LSS: variants seen among roughly 807,000 people sequenced by gnomAD.
The protein encoded by LSS is lanosterol synthase, also known as 2,3-epoxysqualene-lanosterol cyclase.
LSS carries 90 observed loss-of-function variants against 110.3 expected under a neutral mutation model. That is an observed-to-expected ratio of 0.82 (90% CI 0.69 to 0.97). The LOEUF (loss-of-function observed/expected upper bound fraction) is 0.97. Among genes scored for constraint, LSS ranks in the 50% least tolerant of loss-of-function variants. The pLI, the probability that LSS is intolerant of heterozygous loss-of-function variation, is 0.00. For missense variants in LSS, 927 were observed against 990.0 expected, an observed-to-expected ratio of 0.94 and a Z score of 0.85; for synonymous variants, 433 against 400.0, an observed-to-expected ratio of 1.08 and a Z score of -0.98.
rs778103007 is a variant in LSS, at chr21:46,215,775, A to C, written c.802T>G (p.Phe268Val). The change falls in exon 8 of 22, where the codon TTC becomes GTC. Residue 268 changes from phenylalanine (F) to valine (V), a missense_variant. By Grantham distance (50) the Phe-to-Val change is conservative (BLOSUM62 -1). Coordinates refer to ENST00000397728, the MANE Select transcript of LSS (RefSeq NM_002340.6). ...SLRQELYVEDFASIDWLAQRN... is the reference protein window; with the variant it reads ...SLRQELYVEDVASIDWLAQRN... ...TGCGCCAGCCAGTCAATGCTGGCGA[A>C]GTCCTCCACATAGAGCTCCTGGTGG... is the stretch of plus-strand genomic sequence containing the variant. 2 of 1,611,762 alleles carry C rather than the reference A, an allele frequency of 1.2e-6. No homozygotes were observed. The highest frequency in any genetic ancestry group is 2.2e-5 in the South Asian group (2 of 90,760).
At chr21:46,214,617 T>C (rs1444277674) in intron 9 of LSS, among the ~76,000 whole-genome samples, 2 of 152,188 alleles carry the variant, frequency 1.3e-5, no homozygotes, top group Non-Finnish European at 2.9e-5. Context: ...CAGGGCCTGC[T>C]GACTCTGTCA....
intron 20 of LSS, chr21:46,192,803 T>C (rs745805994): frequency 4.5e-6 from 2 of 444,086 alleles, no homozygotes; most frequent in South Asian, 3.2e-5. Flanking sequence ...TAGACCTGTG[T>C]GTACATCTGT....
rs138907803 is a variant in LSS at position 46,208,255 on chromosome 21, C to A, written c.1313G>T (p.Arg438Leu). The A allele has an allele frequency of 6.4e-7, 1 of 1,552,218 alleles. No individual in the cohort carries two copies. Among genetic ancestry groups the A allele is most frequent in the East Asian group, 2.4e-5 (1 of 40,938 alleles). ...PDYQKYYRQM[R>L]KGGFSFSTLD... Reference sequence around the variant, plus strand: ...ATGGGGCTGGCTCCCGCATACCTTGCGCATCTGGCGGTAGTACTTCTGGTA... The same window carrying A: ...ATGGGGCTGGCTCCCGCATACCTTGAGCATCTGGCGGTAGTACTTCTGGTA... The change falls in exon 14 of 22, where the codon CGC (arginine) becomes CTC (leucine). Residue 438 changes from arginine (R) to leucine (L), a missense_variant. Arg to Leu is a moderately radical substitution (Grantham distance 102). Coordinates refer to ENST00000397728, the MANE Select transcript of LSS (RefSeq NM_002340.6).
At chr21:46,219,927 T>A (rs1314719211) in intron 5 of LSS, among the ~76,000 whole-genome samples, 1 of 152,152 alleles carries the variant, frequency 6.6e-6, no homozygotes, top group African/African-American at 2.4e-5. Context: ...CAGGTGCACA[T>A]GCGCCTGGAG....
chr21:46,188,748 T>C lies in LSS; in HGVS notation c.*2356A>G. 2.1e-6 allele frequency: 1 copy of C among 471,260 alleles called. No homozygotes were observed. The highest frequency in any genetic ancestry group is 1.5e-5 in the South Asian group (1 of 64,566). 29.2% of individuals were successfully genotyped at this position (471,260 alleles called of 1,614,324 possible). ...TAAAGAAGACTGAAGGCAGGGATAC[T>C]GACACTGAAGTCCTGCCTGTGTAAT... is the stretch of plus-strand genomic sequence containing the variant. On this transcript the variant is annotated 3_prime_UTR_variant, in exon 22 of 22. Coordinates refer to ENST00000397728, the MANE Select transcript of LSS (RefSeq NM_002340.6).
At chr21:46,196,384 AAAAT>A (rs1429435039) in intron 17 of LSS, 117 bp from the exon 18 acceptor site, 2 of 831,300 alleles carry the variant, frequency 2.4e-6, no homozygotes, top group Non-Finnish European at 4.0e-6. Flanking sequence ...AAACCACATA[AAAAT>A]AAACAGTTTA....
intron 17 of LSS, among the ~76,000 whole-genome samples, chr21:46,203,067 G>C (rs7282352): frequency 0.86 from 130,354 of 152,218 alleles, 56,431 homozygotes; most frequent in African/African-American, 0.93. Context: ...AGGCTGTACT[G>C]TTGCCCACTC....
chr21:46,196,184 G>A lies in LSS; in HGVS notation c.1736+18C>T, dbSNP rs754626558. ...GGATCCCGTGCATCTCTGCACTCACGAGTGGAGGCTCACTCACCCTTCCCA... is the reference window on the plus strand; with the variant it reads ...GGATCCCGTGCATCTCTGCACTCACAAGTGGAGGCTCACTCACCCTTCCCA... On this transcript the variant is annotated intron_variant, in intron 18 of 21. Coordinates refer to ENST00000397728, the MANE Select transcript of LSS (RefSeq NM_002340.6). 24 of 1,613,214 alleles carry A rather than the reference G, an allele frequency of 1.5e-5. No individual in the cohort carries two copies. The highest frequency in any genetic ancestry group is 1.0e-4 in the Admixed American group (6 of 60,006).
chr21:46,214,816 G>A lies in LSS; in HGVS notation c.1011+364C>T, dbSNP rs567721610. Among the ~76,000 whole-genome samples the A allele has an allele frequency of 3.5e-4, 54 of 152,250 alleles. No individual in the cohort carries two copies. The South Asian group carries it at 0.01, about 29-fold the overall frequency. Reference sequence around the variant, plus strand: ...TGTCTAAACCCCACGGGAGAATGGCGAATGATGAACTGTTTGGGGAGAGGG... The same window carrying A: ...TGTCTAAACCCCACGGGAGAATGGCAAATGATGAACTGTTTGGGGAGAGGG... On this transcript the variant is annotated intron_variant, in intron 9 of 21. Transcript: ENST00000397728.
chr21:46,192,534 G>A (rs965461236), intron 20 of LSS: 2 of 411,756 alleles, frequency 4.9e-6, no homozygotes, highest in African/African-American at 4.1e-5. Context: ...GTGTGCACAG[G>A]TGCCTGTGCA....
rs201939761 is a variant in LSS at position 46,210,715 on chromosome 21, G to A, written c.1167C>T (p.Thr389=). The change falls in exon 12 of 22, where the codon ACC becomes ACT. Residue 389 remains threonine (T), a synonymous_variant. Coordinates refer to ENST00000397728, the MANE Select transcript of LSS (RefSeq NM_002340.6). Reference sequence around the variant, plus strand: ...CAAGCAGAGCCTGGATGGCGAATGCGGTGTCCCAGATCTGTGAGCCGTTGG... The same window carrying A: ...CAAGCAGAGCCTGGATGGCGAATGCAGTGTCCCAGATCTGTGAGCCGTTGG... The part of the protein sequence containing the change: ...QGTNGSQIWD[T]AFAIQALLEA... 1.4e-5 allele frequency: 23 copies of A among 1,613,950 alleles called. No individual in the cohort carries two copies. The highest frequency in any genetic ancestry group is 3.3e-5 in the Admixed American group (2 of 59,998).
rs971020323 is a variant in LSS at position 46,193,937 on chromosome 21, T to C, written c.1988+554A>G. Among the ~76,000 whole-genome samples the C allele has an allele frequency of 8.8e-3, 1,334 of 151,660 alleles. 25 individuals carry two copies. Among genetic ancestry groups the C allele is most frequent in the African/African-American group, 0.031 (1,264 of 41,232 alleles). ...AGATGGGATGCTGTGGGTGCATCTG[T>C]ATGTGTGTGGACACAGGTGCCTGTG... On this transcript the variant is annotated intron_variant, in intron 20 of 21. Coordinates refer to ENST00000397728, the MANE Select transcript of LSS (RefSeq NM_002340.6).
rs1173270117 is a variant in LSS, at chr21:46,215,174, A to G, written c.1011+6T>C. 2 of 1,606,522 alleles carry G rather than the reference A, an allele frequency of 1.2e-6. No individual in the cohort carries two copies. Among genetic ancestry groups the G allele is most frequent in the Admixed American group, 1.7e-5 (1 of 59,996 alleles). ...CTGCAGTCAGAGGCCGGGCAGGGGC[A>G]CTGACCGGGCCGATGCTGATGCTCT... On this transcript the variant is annotated splice_donor_region_variant and intron_variant, in intron 9 of 21. Transcript: ENST00000397728.
chr21:46,197,616 C>T (rs754982049), intron 17 of LSS, among the ~76,000 whole-genome samples: 11 of 152,206 alleles, frequency 7.2e-5, no homozygotes, highest in African/African-American at 1.2e-4. Flanking sequence ...CTGCCGGGCG[C>T]AGTGGCTCAC....
chr21:46,215,797 G>A lies in LSS; in HGVS notation c.784-4C>T. The stretch of plus-strand genomic sequence containing the variant: ...CGAAGTCCTCCACATAGAGCTCCTG[G>A]TGGGGGCAGTGTCTGAGCCTTGGGG... On this transcript the variant is annotated splice_polypyrimidine_tract_variant and splice_region_variant and intron_variant, in intron 7 of 21. Transcript: ENST00000397728. 3.8e-6 allele frequency: 6 copies of A among 1,597,992 alleles called. No individual in the cohort carries two copies. The highest frequency in any genetic ancestry group is 5.1e-6 in the Non-Finnish European group (6 of 1,167,720).
At chr21:46,214,406 C>CA (rs2080173154) in intron 9 of LSS, among the ~76,000 whole-genome samples, 1 of 152,284 alleles carries the variant, frequency 6.6e-6, no homozygotes, top group African/African-American at 2.4e-5. Flanking sequence ...CACTGCTGAG[C>CA]AAAAAACAAG....
chr21:46,198,740 C>A (rs1247639833), intron 17 of LSS, among the ~76,000 whole-genome samples: 1 of 143,256 alleles, frequency 7.0e-6, no homozygotes, highest in Non-Finnish European at 1.5e-5. Context: ...ATGCAGTCAA[C>A]TGATTTTTTA....
chr21:46,198,009 C>T (rs1569020080), intron 17 of LSS, among the ~76,000 whole-genome samples: 1 of 151,918 alleles, frequency 6.6e-6, no homozygotes, highest in Non-Finnish European at 1.5e-5. Context: ...CATAATAATC[C>T]TCTAAATTAA....
At chr21:46,194,366 G>T in intron 20 of LSS, 125 bp downstream of exon 20, 1 of 1,142,274 alleles carries the variant, frequency 8.8e-7, no homozygotes, top group Non-Finnish European at 1.2e-6. Flanking sequence ...TCCCAGAGTG[G>T]CAGCTGACCT....
Sources: gnomAD v4.1 joint callset for allele counts (sites outside exome capture counted in the v4.1 genomes callset) on GRCh38, gnomAD v4.1.1 for gene constraint, MANE v1.5 for transcripts, NCBI Gene and HGNC (gene_info 2026-07-23, HGNC 2026-07-21) for gene names.